The following PINX1 variants were observed in gnomAD, a reference collection of about 807,000 sequenced individuals.
PINX1 encodes PIN2/TERF1-interacting telomerase inhibitor 1.
A neutral mutation model predicts 25.4 loss-of-function variants in PINX1; 34 were observed. The ratio of observed to expected loss-of-function variants is 1.34; its 90% confidence interval spans 1.02 to 1.78. PINX1 has a LOEUF of 1.78. PINX1 is among the 40% of genes most tolerant of loss of function. The probability of loss-of-function intolerance (pLI) is 0.00; values close to 1 mark genes in which losing one functional copy is unlikely to be tolerated. For synonymous variants in PINX1, 197 were observed against 147.7 expected (o/e 1.33, Z -2.42); for missense variants, 592 against 404.9 (o/e 1.46, Z -3.97).
intron 6 of PINX1, among the ~76,000 whole-genome samples, chr8:10,797,034 T>C (rs2129078550): frequency 6.6e-6 from 1 of 152,024 alleles, no homozygotes; most frequent in South Asian, 2.1e-4. Flanking sequence ...GCCCCACAGC[T>C]TGAATGGAAG....
At chr8:10,834,839 T>A in intron 1 of PINX1, 64 bp from the exon 2 acceptor site, 6 of 1,096,558 alleles carry the variant, frequency 5.5e-6, no homozygotes, top group Non-Finnish European at 8.2e-6. Flanking sequence ...CACACAAACA[T>A]ACACATGCAC....
At position 10,765,919 on chromosome 8, in the gene PINX1, A is replaced by G; in HGVS notation, c.472-3T>C. On this transcript the variant is annotated splice_region_variant and splice_polypyrimidine_tract_variant and intron_variant, in intron 6 of 6. Transcript: ENST00000314787. ...GGAGTGGAGGGACTGGCATCGCCCT[A>G]TGGTGGGCAGAAGAGTTAAAAGGCA... 3.7e-6 allele frequency: 6 copies of G among 1,612,146 alleles called. 1 individual carries two copies. In the South Asian group the frequency reaches 5.5e-5, roughly 15 times the overall value.
chr8:10,828,841 ATAC>A (rs1798134838), intron 4 of PINX1, among the ~76,000 whole-genome samples: 1 of 152,174 alleles, frequency 6.6e-6, no homozygotes, highest in South Asian at 2.1e-4. Flanking sequence ...ACAAGGGAAA[ATAC>A]TGTTGTCAAA....
chr8:10,805,001 C>A (rs12550169), intron 6 of PINX1, among the ~76,000 whole-genome samples: 34,351 of 151,716 alleles, frequency 0.23, 4,042 homozygotes, highest in East Asian at 0.33. Context: ...GAAGTGAAGA[C>A]TGGTGGCACT....
intron 6 of PINX1, among the ~76,000 whole-genome samples, chr8:10,786,038 G>C (rs918453043): frequency 6.6e-6 from 1 of 152,212 alleles, no homozygotes; most frequent in African/African-American, 2.4e-5. Flanking sequence ...AAGGGAGGCA[G>C]TCACTTTCCT....
chr8:10,812,981 T>C (rs2129083637), intron 6 of PINX1, among the ~76,000 whole-genome samples: 1 of 152,364 alleles, frequency 6.6e-6, no homozygotes, highest in Middle Eastern at 3.4e-3. Context: ...TGTACATATC[T>C]TCCTAAGCTT....
intron 6 of PINX1, among the ~76,000 whole-genome samples, chr8:10,787,067 C>T (rs1458756576): frequency 6.6e-6 from 1 of 151,974 alleles, no homozygotes; most frequent in African/African-American, 2.4e-5. Flanking sequence ...TGACTCTTAC[C>T]CAATTTTTCC....
chr8:10,832,598 A>G (rs559442887), intron 3 of PINX1, among the ~76,000 whole-genome samples: 1 of 152,242 alleles, frequency 6.6e-6, no homozygotes, highest in Non-Finnish European at 1.5e-5. Context: ...ATTTACCTAA[A>G]GTAATTTCCC....
intron 6 of PINX1, among the ~76,000 whole-genome samples, chr8:10,810,467 T>C (rs573444089): frequency 1.3e-5 from 2 of 152,330 alleles, no homozygotes; most frequent in South Asian, 2.1e-4. Context: ...ACAGACTCAG[T>C]GAGCATGAGC....
At chr8:10,817,724 C>G (rs1380855808) in intron 6 of PINX1, among the ~76,000 whole-genome samples, 1 of 152,130 alleles carries the variant, frequency 6.6e-6, no homozygotes, top group African/African-American at 2.4e-5. Flanking sequence ...CTCTCAGCCC[C>G]CGCCCAGGCT....
intron 6 of PINX1, among the ~76,000 whole-genome samples, chr8:10,778,072 C>T (rs1801450703): frequency 6.6e-6 from 1 of 152,200 alleles, no homozygotes; most frequent in Non-Finnish European, 1.5e-5. Flanking sequence ...CAACAAATAA[C>T]ATCTGTGAAT....
chr8:10,780,157 G>A (rs1586142778), intron 6 of PINX1, among the ~76,000 whole-genome samples: 1 of 152,150 alleles, frequency 6.6e-6, no homozygotes, highest in East Asian at 1.9e-4. Flanking sequence ...CAGGTCATCT[G>A]CAAACGAGAT....
intron 6 of PINX1, among the ~76,000 whole-genome samples, chr8:10,817,725 CG>C (rs2129084976): frequency 6.6e-6 from 1 of 152,270 alleles, no homozygotes; most frequent in African/African-American, 2.4e-5. Context: ...TCTCAGCCCC[CG>C]CCCAGGCTTC....
At chr8:10,813,912 GA>G (rs33980988) in intron 6 of PINX1, among the ~76,000 whole-genome samples, 32,609 of 144,394 alleles carry the variant, frequency 0.23, 3,817 homozygotes, top group East Asian at 0.35. Context: ...AATGAGAGAG[GA>G]AAAAAAAAAA....
intron 3 of PINX1, among the ~76,000 whole-genome samples, chr8:10,832,009 T>C (rs779051491): frequency 6.6e-6 from 1 of 152,214 alleles, no homozygotes; most frequent in Non-Finnish European, 1.5e-5. Context: ...AGTCAATATA[T>C]AGTAAATAAT....
chr8:10,837,059 G>C (rs879265619), intron 1 of PINX1, among the ~76,000 whole-genome samples: 4 of 152,190 alleles, frequency 2.6e-5, no homozygotes, highest in South Asian at 4.1e-4. Context: ...CCTTTGAAAG[G>C]CCTGTTCATA....
chr8:10,774,078 C>A (rs975606854), intron 6 of PINX1, among the ~76,000 whole-genome samples: 2 of 152,182 alleles, frequency 1.3e-5, no homozygotes, highest in African/African-American at 2.4e-5. Flanking sequence ...CTTTGATAAA[C>A]AGCTGAGACC....
chr8:10,809,675 A>C (rs1377426500), intron 6 of PINX1, among the ~76,000 whole-genome samples: 1 of 152,234 alleles, frequency 6.6e-6, no homozygotes, highest in Non-Finnish European at 1.5e-5. Context: ...GACAGATAGG[A>C]ACATTCACAC....
At chr8:10,780,560 A>T (rs1286222211) in intron 6 of PINX1, among the ~76,000 whole-genome samples, 1 of 152,158 alleles carries the variant, frequency 6.6e-6, no homozygotes, top group Non-Finnish European at 1.5e-5. Flanking sequence ...AATCCCAAAC[A>T]AATGAAAACC....
Sources: gnomAD v4.1 joint callset for allele counts (sites outside exome capture counted in the v4.1 genomes callset) on GRCh38, gnomAD v4.1.1 for gene constraint, MANE v1.5 for transcripts, NCBI Gene and HGNC (gene_info 2026-07-23, HGNC 2026-07-21) for gene names.